PAX5: variants seen among roughly 807,000 people sequenced by gnomAD.
PAX5 encodes paired box protein Pax-5.
PAX5 carries 9 observed loss-of-function variants against 43.7 expected under a neutral mutation model. That is an observed-to-expected ratio of 0.21 (90% CI 0.12 to 0.36). The LOEUF (loss-of-function observed/expected upper bound fraction) is 0.36, where lower values mean the gene tolerates loss of function less well. PAX5 is among the 10% of genes least tolerant of loss of function. The pLI, the probability that PAX5 is intolerant of heterozygous loss-of-function variation, is 1.00. For missense variants in PAX5, 383 were observed against 532.7 expected (o/e 0.72, Z 2.77); for synonymous variants, 228 against 214.3 (o/e 1.06, Z -0.56).
At chr9:36,948,810 C>G (rs1467797148) in intron 6 of PAX5, among the ~76,000 whole-genome samples, 1 of 152,004 alleles carries the variant, frequency 6.6e-6, no homozygotes, top group Non-Finnish European at 1.5e-5. Flanking sequence ...CGCAAACTCC[C>G]TCCTGCCTCC....
At chr9:36,877,070 C>T (rs935072102) in intron 8 of PAX5, among the ~76,000 whole-genome samples, 2 of 152,204 alleles carry the variant, frequency 1.3e-5, no homozygotes, top group Non-Finnish European at 2.9e-5. Flanking sequence ...GGCACAGTGG[C>T]TCATGCCTGT....
chr9:36,873,178 A>G (rs1483896157), intron 8 of PAX5, among the ~76,000 whole-genome samples: 2 of 152,104 alleles, frequency 1.3e-5, no homozygotes, highest in African/African-American at 4.8e-5. Context: ...GGTCCCCCTC[A>G]CCTGCATTTC....
At chr9:36,926,759 C>T (rs1830670380) in intron 6 of PAX5, among the ~76,000 whole-genome samples, 1 of 152,294 alleles carries the variant, frequency 6.6e-6, no homozygotes, top group South Asian at 2.1e-4. Flanking sequence ...GAATGGTGGG[C>T]GTGCATTCGT....
At chr9:36,965,116 C>T (rs1327215537) in intron 6 of PAX5, among the ~76,000 whole-genome samples, 1 of 152,084 alleles carries the variant, frequency 6.6e-6, no homozygotes, top group Admixed American at 6.6e-5. Flanking sequence ...AATACCTTTC[C>T]CCCAGGAGGC....
intron 3 of PAX5, among the ~76,000 whole-genome samples, chr9:37,009,031 T>G (rs2132439119): frequency 6.6e-6 from 1 of 152,338 alleles, no homozygotes; most frequent in South Asian, 2.1e-4. Context: ...TAGTTACAAA[T>G]AAATATATGG....
At chr9:36,998,795 A>G (rs1031715898) in intron 5 of PAX5, among the ~76,000 whole-genome samples, 1 of 152,248 alleles carries the variant, frequency 6.6e-6, no homozygotes, top group Middle Eastern at 3.2e-3. Context: ...TGTAAAATAC[A>G]CACCAGATTT....
rs534152169 is a variant in PAX5, at chr9:36,971,954, G to T, written c.605-5230C>A. Among the ~76,000 whole-genome samples the T allele has an allele frequency of 2.0e-5, 3 of 152,324 alleles. No individual in the cohort carries two copies. In the South Asian group the frequency reaches 6.2e-4, roughly 32 times the overall value. On this transcript the variant is annotated intron_variant, in intron 5 of 9. Coordinates refer to ENST00000358127, the MANE Select transcript of PAX5 (RefSeq NM_016734.3). ...ATAAACCCATTGCATTTTCTTCAGAGCACAGCAGATTCAGGGGTTTTGCAT... is the reference window on the plus strand; with the variant it reads ...ATAAACCCATTGCATTTTCTTCAGATCACAGCAGATTCAGGGGTTTTGCAT...
At position 36,846,820 on chromosome 9, in the gene PAX5, G is replaced by T. The variant is rs200660954; in HGVS notation, c.1099+23C>A. 1.9e-5 allele frequency: 31 copies of T among 1,590,316 alleles called. No homozygotes were observed. The Middle Eastern group carries it at 6.7e-4, about 34-fold the overall frequency. On this transcript the variant is annotated intron_variant, in intron 9 of 9. Transcript: ENST00000358127. ...GGGTAGCTGATGGCCCAAGGGCCCCGCAGGGCCTCCGCCAGTACTCACCAA... is the reference window on the plus strand; with the variant it reads ...GGGTAGCTGATGGCCCAAGGGCCCCTCAGGGCCTCCGCCAGTACTCACCAA...
chr9:37,027,947 T>G (rs140045835), intron 1 of PAX5, among the ~76,000 whole-genome samples: 2 of 152,164 alleles, frequency 1.3e-5, no homozygotes, highest in Admixed American at 6.5e-5. Context: ...TAAGGCCTAG[T>G]GGATCGCGGC....
intron 2 of PAX5, among the ~76,000 whole-genome samples, chr9:37,018,592 G>A (rs1302108995): frequency 2.2e-5 from 1 of 45,280 alleles, no homozygotes; most frequent in Non-Finnish European, 7.3e-5. Flanking sequence ...AAAAAAATCT[G>A]TGGATTGAAC....
At chr9:36,914,166 T>C (rs1829543689) in intron 7 of PAX5, among the ~76,000 whole-genome samples, 1 of 152,240 alleles carries the variant, frequency 6.6e-6, no homozygotes, top group South Asian at 2.1e-4. Flanking sequence ...AACTCTCCTG[T>C]CCTGCCAAAC....
intron 1 of PAX5, among the ~76,000 whole-genome samples, chr9:37,024,363 G>A (rs904267377): frequency 3.3e-5 from 5 of 152,050 alleles, no homozygotes; most frequent in Non-Finnish European, 5.9e-5. Flanking sequence ...AGTGGTGGGG[G>A]GAAGCAGTGG....
chr9:36,939,686 C>T (rs1203014320), intron 6 of PAX5, among the ~76,000 whole-genome samples: 1 of 152,096 alleles, frequency 6.6e-6, no homozygotes, highest in Admixed American at 6.5e-5. Context: ...ATGGATTATC[C>T]TCATTTTTCT....
chr9:36,900,344 G>C (rs1828268112), intron 7 of PAX5, among the ~76,000 whole-genome samples: 1 of 152,174 alleles, frequency 6.6e-6, no homozygotes, highest in Admixed American at 6.5e-5. Context: ...TCCAGCGACG[G>C]TTGTGTGAAC....
At position 36,965,372 on chromosome 9, in the gene PAX5, C is replaced by T. The variant is rs544164594; in HGVS notation, c.780+1177G>A. 1.9e-4 allele frequency among the ~76,000 whole-genome samples: 29 copies of T among 152,322 alleles called. 1 individual carries two copies. The South Asian group carries it at 5.6e-3, about 29-fold the overall frequency. On this transcript the variant is annotated intron_variant, in intron 6 of 9. Coordinates refer to ENST00000358127, the MANE Select transcript of PAX5 (RefSeq NM_016734.3). The stretch of plus-strand genomic sequence containing the variant: ...ACTCATCATATTTGTTATGTGAATG[C>T]GTCTTGCAGCGTGGCCTTAGGCAAG...
Position 36,837,819 on chromosome 9 carries a change from G to A in PAX5, c.*2741C>T. The A allele has an allele frequency of 1.3e-5, 3 of 233,532 alleles. No homozygotes were observed. The highest frequency in any genetic ancestry group is 2.5e-5 in the Non-Finnish European group (3 of 118,170). 14.5% of individuals were successfully genotyped at this position (233,532 alleles called of 1,614,324 possible). On this transcript the variant is annotated 3_prime_UTR_variant, in exon 10 of 10. Transcript: ENST00000358127. ...TACAGGGCAAGAAGAGGAACAGGAT[G>A]GGGAGAGGGGGCCGCTGTGAGCCAG...
intron 6 of PAX5, among the ~76,000 whole-genome samples, chr9:36,954,189 T>C (rs1564005623): frequency 6.6e-6 from 1 of 152,232 alleles, no homozygotes; most frequent in Non-Finnish European, 1.5e-5. Context: ...AAGTTGTACA[T>C]GATACATGAA....
chr9:36,940,707 A>G (rs1831977865), intron 6 of PAX5, among the ~76,000 whole-genome samples: 2 of 152,044 alleles, frequency 1.3e-5, no homozygotes, highest in South Asian at 4.2e-4. Context: ...ACCAGGGAGA[A>G]TCGAATTTGA....
chr9:36,915,305 A>T (rs905935530), intron 7 of PAX5, among the ~76,000 whole-genome samples: 1 of 152,250 alleles, frequency 6.6e-6, no homozygotes, highest in Non-Finnish European at 1.5e-5. Flanking sequence ...TTCCAAAGAG[A>T]TTGCATCAAT....
Sources: allele counts gnomAD v4.1 joint callset (sites outside exome capture counted in the v4.1 genomes callset), GRCh38; gene constraint gnomAD v4.1.1; transcripts MANE v1.5; gene names NCBI Gene and HGNC (gene_info 2026-07-23, HGNC 2026-07-21).